TMEM64: variants seen among roughly 807,000 people sequenced by gnomAD.
The protein encoded by TMEM64 is transmembrane protein 64.
In TMEM64, 19 loss-of-function variants were observed where a neutral mutation model predicts 24.5. That is an observed-to-expected ratio of 0.78 (90% CI 0.54 to 1.14). The LOEUF is 1.14. Ranked by LOEUF, TMEM64 falls within the 50% of genes most tolerant of loss-of-function variation. The pLI is 0.00. For synonymous variants in TMEM64, 262 were observed against 224.7 expected (o/e 1.17, Z -1.49); for missense variants, 487 against 493.0 (o/e 0.99, Z 0.12).
chr8:90,625,902 A>T, intron 2 of TMEM64, 40 bp from the exon 3 acceptor site: 1 of 1,423,068 alleles, frequency 7.0e-7, no homozygotes, highest in South Asian at 1.3e-5. Context: ...TCAATATTTT[A>T]TACAAAAAAA....
chr8:90,622,981 C>T lies in TMEM64; in HGVS notation c.*2690G>A, dbSNP rs1437494935. ...TCAAATAAAAATGGACATGAATATG[C>T]TTAGTAAATTAGCATATACATTTTT... On this transcript the variant is annotated 3_prime_UTR_variant, in exon 3 of 3. Coordinates refer to ENST00000458549, the MANE Select transcript of TMEM64 (RefSeq NM_001008495.4). The T allele has an allele frequency of 6.6e-6, 1 of 151,876 alleles. No individual in the cohort carries two copies. The highest frequency in any genetic ancestry group is 1.9e-4 in the East Asian group (1 of 5,186). The allele number at this position is 151,876 out of a possible 1,614,324, so 9.4% of individuals were successfully genotyped here. A position where few individuals can be genotyped will look rare whatever the true frequency, so the allele number is the denominator to read the frequency against.
chr8:90,639,342 T>C (rs1394730047), intron 1 of TMEM64, among the ~76,000 whole-genome samples: 1 of 152,112 alleles, frequency 6.6e-6, no homozygotes, highest in African/African-American at 2.4e-5. Flanking sequence ...GTCACCAATT[T>C]ATTTGAGAAT....
intron 1 of TMEM64, among the ~76,000 whole-genome samples, chr8:90,635,439 G>C (rs2130503580): frequency 6.6e-6 from 1 of 151,372 alleles, no homozygotes; most frequent in East Asian, 1.9e-4. Context: ...GTGTCACCCA[G>C]GCTAGAGTGC....
In TMEM64 at chr8:90,645,716, C is replaced by G. The variant is rs901412420; in HGVS notation, c.190G>C (p.Ala64Pro). 62 of 1,197,188 alleles carry G rather than the reference C, an allele frequency of 5.2e-5. No homozygotes were observed. The African/African-American group carries it at 8.0e-4, about 15-fold the overall frequency. The allele number at this position is 1,197,188 out of a possible 1,614,324, so 74.2% of individuals were successfully genotyped here. ...AAAAAAAASGALLGAYLERHG... is the reference protein window; with the variant it reads ...AAAAAAAASGPLLGAYLERHG... ...CGCTCCAGATAGGCGCCGAGCAGGGCGCCCGAGGCCGCCGCTGCTGCCGCC... is the reference window on the plus strand; with the variant it reads ...CGCTCCAGATAGGCGCCGAGCAGGGGGCCCGAGGCCGCCGCTGCTGCCGCC... The change falls in exon 1 of 3, where the codon GCC becomes CCC. Residue 64 changes from alanine (A) to proline (P), a missense_variant. By Grantham distance (27) the Ala-to-Pro change is conservative (BLOSUM62 -1). Coordinates refer to ENST00000458549, the MANE Select transcript of TMEM64 (RefSeq NM_001008495.4). The surrounding 1 kb of genome is among the most constrained non-coding windows in gnomAD (Gnocchi z 4.2).
chr8:90,637,321 T>A (rs973553684), intron 1 of TMEM64, among the ~76,000 whole-genome samples: 2 of 152,186 alleles, frequency 1.3e-5, no homozygotes. Context: ...TCTAAGATTA[T>A]AGCTTTTTAC....
chr8:90,637,897 T>C (rs16905036), intron 1 of TMEM64, among the ~76,000 whole-genome samples: 5,613 of 152,254 alleles, frequency 0.037, 292 homozygotes, highest in African/African-American at 0.13. Flanking sequence ...CTCCCCAAAA[T>C]ACCTCTTCAT....
rs930050957 is a variant in TMEM64 at position 90,624,816 on chromosome 8, T to G, written c.*855A>C. On this transcript the variant is annotated 3_prime_UTR_variant, in exon 3 of 3. Coordinates refer to ENST00000458549, the MANE Select transcript of TMEM64 (RefSeq NM_001008495.4). Reference sequence around the variant, plus strand: ...CCCACCATTTTAAAGGAATAACATCTTTATTTAAAAGCCTAATTATTAATA... The same window carrying G: ...CCCACCATTTTAAAGGAATAACATCGTTATTTAAAAGCCTAATTATTAATA... The G allele has an allele frequency of 6.6e-6, 1 of 152,566 alleles. No individual in the cohort carries two copies. The highest frequency in any genetic ancestry group is 6.5e-5 in the Admixed American group (1 of 15,270). The allele number at this position is 152,566 out of a possible 1,614,324, so 9.5% of individuals were successfully genotyped here. A position where few individuals can be genotyped will look rare whatever the true frequency, so the allele number is the denominator to read the frequency against.
At position 90,645,106 on chromosome 8, in the gene TMEM64, C is replaced by T. The variant is rs766406618; in HGVS notation, c.795+5G>A. The stretch of plus-strand genomic sequence containing the variant: ...AGAGGGATAGGCCAGCGGGACCCCA[C>T]TTACCGAAAACACTGCATTCTGAAG... On this transcript the variant is annotated splice_donor_5th_base_variant and intron_variant, in intron 1 of 2. Coordinates refer to ENST00000458549, the MANE Select transcript of TMEM64 (RefSeq NM_001008495.4). This position sits in a 1 kb window ranked among gnomAD's most constrained non-coding sequence, Gnocchi z 4.2. 2.5e-6 allele frequency: 4 copies of T among 1,598,004 alleles called. No individual in the cohort carries two copies. The highest frequency in any genetic ancestry group is 1.7e-6 in the Non-Finnish European group (2 of 1,168,682).
chr8:90,645,984 C>A lies in TMEM64; in HGVS notation c.-79G>T. ...TTAGGCAGCTGCCCTTCATGGCGCC[C>A]GGTTCGCCCGGCATCGACTCCCTGC... is the stretch of plus-strand genomic sequence containing the variant. On this transcript the variant is annotated 5_prime_UTR_variant, in exon 1 of 3. Coordinates refer to ENST00000458549, the MANE Select transcript of TMEM64 (RefSeq NM_001008495.4). This position sits in a 1 kb window ranked among gnomAD's most constrained non-coding sequence, Gnocchi z 4.2. 1.3e-6 allele frequency: 1 copy of A among 770,258 alleles called. No homozygotes were observed. Among genetic ancestry groups the A allele is most frequent in the South Asian group, 5.9e-5 (1 of 16,886 alleles). 47.7% of individuals were successfully genotyped at this position (770,258 alleles called of 1,614,324 possible).
rs777582971 is a variant in TMEM64, at chr8:90,645,149, T to C, written c.757A>G (p.Thr253Ala). The C allele has an allele frequency of 6.2e-7, 1 of 1,613,540 alleles. No homozygotes were observed. The highest frequency in any genetic ancestry group is 1.1e-5 in the South Asian group (1 of 91,038). ...TTCTGAAGCCCAAAAGGTATGGGTG[T>C]CAGTCTGGCCAGCGCCACCACTTTC... ...GLKVVALARL[T>A]PIPFGLQNAV... is the part of the protein sequence containing the mutation. The change falls in exon 1 of 3, where the codon ACA becomes GCA. Residue 253 changes from threonine to alanine, a missense_variant. Coordinates refer to ENST00000458549, the MANE Select transcript of TMEM64 (RefSeq NM_001008495.4). This position sits in a 1 kb window ranked among gnomAD's most constrained non-coding sequence, Gnocchi z 4.2.
chr8:90,637,054 G>A (rs567874102), intron 1 of TMEM64, among the ~76,000 whole-genome samples: 11 of 152,258 alleles, frequency 7.2e-5, no homozygotes, highest in Admixed American at 2.0e-4. Context: ...GGGTTAACAT[G>A]TGGAACATCA....
chr8:90,638,609 G>A (rs1018138462), intron 1 of TMEM64, among the ~76,000 whole-genome samples: 29 of 152,202 alleles, frequency 1.9e-4, no homozygotes, highest in African/African-American at 6.5e-4. Flanking sequence ...TCCTCATTGT[G>A]TCCCTAGATC....
intron 1 of TMEM64, among the ~76,000 whole-genome samples, chr8:90,640,867 G>C (rs1809593995): frequency 6.6e-6 from 1 of 152,054 alleles, no homozygotes; most frequent in East Asian, 1.9e-4. Flanking sequence ...CAAACCTATG[G>C]TGGGCTCATA....
At chr8:90,628,756 A>G (rs1809396988) in intron 2 of TMEM64, among the ~76,000 whole-genome samples, 1 of 152,130 alleles carries the variant, frequency 6.6e-6, no homozygotes, top group East Asian at 1.9e-4. Flanking sequence ...AAAGGCTCCA[A>G]CCCGAAGTTT....
In TMEM64 at chr8:90,626,629, C is replaced by CT. The variant is rs34029067; in HGVS notation, c.952-768dup. On this transcript the variant is annotated intron_variant, in intron 2 of 2. Coordinates refer to ENST00000458549, the MANE Select transcript of TMEM64 (RefSeq NM_001008495.4). ...GTCCCTCTGTACTTTTTTTTTCTTT[C>CT]TTTTTTTTTTTTTTTTTTTGAGATG... Among the ~76,000 whole-genome samples, 540 of 105,794 alleles carry CT rather than the reference C, an allele frequency of 5.1e-3. 2 individuals carry two copies. The highest frequency in any genetic ancestry group is 0.018 in the South Asian group (59 of 3,318). The allele number at this position is 105,794 out of a possible 152,430, so 69.4% of individuals were successfully genotyped here.
intron 1 of TMEM64, among the ~76,000 whole-genome samples, chr8:90,640,611 G>GT (rs1695638721): frequency 1.3e-5 from 2 of 151,980 alleles, no homozygotes; most frequent in African/African-American, 2.4e-5. Context: ...AGACTATACT[G>GT]TATTTGTGGT....
rs1206755269 is a variant in TMEM64 at position 90,645,723 on chromosome 8, GGCCGCCGCTGCT to G, written c.171_182del (p.Ala58_Ala61del). The stretch of plus-strand genomic sequence containing the variant: ...GATAGGCGCCGAGCAGGGCGCCCGA[GGCCGCCGCTGCT>G]GCCGCCGCCGCGCTCGCCCCGCCCC... On this transcript the variant is annotated inframe_deletion, in exon 1 of 3. Transcript: ENST00000458549. This position sits in a 1 kb window ranked among gnomAD's most constrained non-coding sequence, Gnocchi z 4.2. 8.4e-7 allele frequency: 1 copy of G among 1,186,940 alleles called. No individual in the cohort carries two copies. The highest frequency in any genetic ancestry group is 1.0e-6 in the Non-Finnish European group (1 of 960,558). 73.5% of individuals were successfully genotyped at this position (1,186,940 alleles called of 1,614,324 possible).
intron 1 of TMEM64, among the ~76,000 whole-genome samples, chr8:90,642,826 T>C (rs1305611511): frequency 6.6e-6 from 1 of 152,172 alleles, no homozygotes; most frequent in Non-Finnish European, 1.5e-5. Context: ...GCTCAGCCAC[T>C]TGGTAGGTGG....
At chr8:90,643,852 C>A (rs1400730297) in intron 1 of TMEM64, among the ~76,000 whole-genome samples, 1 of 152,190 alleles carries the variant, frequency 6.6e-6, no homozygotes, top group African/African-American at 2.4e-5. Context: ...GTTTCCACTG[C>A]CTCTACCAAA....
Sources: allele counts gnomAD v4.1 joint callset (sites outside exome capture counted in the v4.1 genomes callset), GRCh38; gene constraint gnomAD v4.1.1; non-coding constraint Gnocchi (gnomAD v3.1); transcripts MANE v1.5; gene names NCBI Gene and HGNC (gene_info 2026-07-23, HGNC 2026-07-21).